Variants in TMEM198 observed in about 807,000 individuals in gnomAD.
TMEM198 encodes the protein transmembrane protein 198.
TMEM198 carries 21 observed loss-of-function variants against 31.5 expected under a neutral mutation model. That is an observed-to-expected ratio of 0.67 (90% CI 0.47 to 0.96). The LOEUF (loss-of-function observed/expected upper bound fraction) is 0.96, where lower values mean the gene tolerates loss of function less well. TMEM198 is among the 40% of genes least tolerant of loss of function. The pLI is 0.00. For missense variants in TMEM198, 447 were observed against 499.4 expected (o/e 0.89, Z 1.00); for synonymous variants, 211 against 223.3 (o/e 0.95, Z 0.49).
intron 2 of TMEM198, 54 bp downstream of exon 2, chr2:219,544,947 T>C: frequency 6.3e-7 from 1 of 1,590,460 alleles, no homozygotes; most frequent in Non-Finnish European, 8.6e-7. Flanking sequence ...CCCCGAGTTC[T>C]TTTTCTGGGC....
Position 219,549,280 on chromosome 2 carries a change from C to A in TMEM198, c.871C>A (p.Pro291Thr). 1 of 1,613,944 alleles carries A rather than the reference C, an allele frequency of 6.2e-7. No homozygotes were observed. Among genetic ancestry groups the A allele is most frequent in the Non-Finnish European group, 8.5e-7 (1 of 1,180,030 alleles). Residue 291 changes from proline (P) to threonine (T), a missense_variant, in exon 4 of 5, where the codon CCT (proline) becomes ACT (threonine). Pro to Thr is a conservative substitution (Grantham distance 38). Transcript: ENST00000373883. Reference sequence around the variant, plus strand: ...CAGAGGTCCCCGGGCTCCTCCCAGGCCTGGGCCACCAGACCCTGCTTATCG... The same window carrying A: ...CAGAGGTCCCCGGGCTCCTCCCAGGACTGGGCCACCAGACCCTGCTTATCG... The part of the protein sequence containing the change: ...PLRGPRAPPR[P>T]GPPDPAYRRR...
upstream of TMEM198, chr2:219,543,770 G>C: frequency 2.1e-6 from 1 of 468,044 alleles, no homozygotes; most frequent in East Asian, 3.5e-5. Context: ...CTCGGCACTG[G>C]AGCCTCAGCC....
chr2:219,543,739 G>A, upstream of TMEM198: 1 of 452,250 alleles, frequency 2.2e-6, no homozygotes, highest in South Asian at 5.2e-5. Context: ...CAGCTGCTCT[G>A]GGCTGCGCAG....
Position 219,547,511 on chromosome 2 carries a change from C to T in TMEM198, c.172C>T (p.Arg58Cys), listed in dbSNP as rs1695414656. ...TAGCCCCTGTTCCCCTCCAGGTTAC[C>T]GCTGCTTCAAGGCAGTGCTCTTTCT... ...FGVVYCFFGYRCFKAVLFLTG... is the reference protein window; with the variant it reads ...FGVVYCFFGYCCFKAVLFLTG... Residue 58 changes from arginine to cysteine, a missense_variant, in exon 3 of 5, where the codon CGC (arginine) becomes TGC (cysteine). Transcript: ENST00000373883. The T allele has an allele frequency of 4.9e-6, 7 of 1,426,642 alleles. No homozygotes were observed. Among genetic ancestry groups the T allele is most frequent in the South Asian group, 3.5e-5 (2 of 56,586 alleles). 88.4% of individuals were successfully genotyped at this position (1,426,642 alleles called of 1,614,324 possible). A position where few individuals can be genotyped will look rare whatever the true frequency, so the allele number is the denominator to read the frequency against.
upstream of TMEM198, chr2:219,543,692 G>A (rs1695327737): frequency 2.0e-6 from 1 of 494,926 alleles, no homozygotes; most frequent in Non-Finnish European, 3.3e-6. Context: ...AGCGGCCCGA[G>A]CCGAATCCCC....
intron 2 of TMEM198, among the ~76,000 whole-genome samples, chr2:219,546,532 G>A (rs754404373): frequency 1.3e-5 from 2 of 151,980 alleles, no homozygotes; most frequent in Non-Finnish European, 2.9e-5. Flanking sequence ...TCCCCATACT[G>A]TGATCCCAGT....
In TMEM198 at chr2:219,549,366, G is replaced by A. The variant is rs753485027; in HGVS notation, c.945+12G>A. The A allele has an allele frequency of 2.1e-5, 34 of 1,605,854 alleles. No individual in the cohort carries two copies. In the East Asian group the frequency reaches 6.9e-4, roughly 33 times the overall value. On this transcript the variant is annotated intron_variant, in intron 4 of 4. Transcript: ENST00000373883. ...ACGTCCTCTCCCCGGTGAGCTCCCT[G>A]AGCCCATCCAGCCAGAATGAGAAGG...
At position 219,549,226 on chromosome 2, in the gene TMEM198, C is replaced by T. The variant is rs745594376; in HGVS notation, c.817C>T (p.Arg273Trp). 1.7e-5 allele frequency: 28 copies of T among 1,614,008 alleles called. No homozygotes were observed. Among genetic ancestry groups the T allele is most frequent in the East Asian group, 8.9e-5 (4 of 44,878 alleles). ...GCAGGAAGATCGCAAGGAGAAAAGG[C>T]GGAAAAAGAGACCTCCTCGGGCTCC... ...RQQEDRKEKR[R>W]KKRPPRAPLR... The change falls in exon 4 of 5, where the codon CGG (arginine) becomes TGG (tryptophan). Residue 273 changes from arginine to tryptophan, a missense_variant. Arg to Trp is a moderately radical substitution (Grantham distance 101, BLOSUM62 -3). Coordinates refer to ENST00000373883, the MANE Select transcript of TMEM198 (RefSeq NM_001005209.3).
intron 3 of TMEM198, 82 bp downstream of exon 3, chr2:219,548,163 G>A (rs1695433002): frequency 7.7e-7 from 1 of 1,296,048 alleles, no homozygotes; most frequent in East Asian, 2.5e-5. Flanking sequence ...GGGGAGTGGG[G>A]GACAGCAGCA....
chr2:219,547,303 C>T (rs975027449), intron 2 of TMEM198: 8 of 458,410 alleles, frequency 1.7e-5, no homozygotes, highest in Non-Finnish European at 3.1e-5. Flanking sequence ...CCATTGACCA[C>T]CAACAGCCAT....
rs1317052087 is a variant in TMEM198, at chr2:219,544,862, C to T, written c.135C>T (p.Cys45=). The T allele has an allele frequency of 6.2e-7, 1 of 1,614,218 alleles. No homozygotes were observed. Among genetic ancestry groups the T allele is most frequent in the Non-Finnish European group, 8.5e-7 (1 of 1,180,020 alleles). ...TGCCGGCCCTCGTCTGCATCATGTG[C>T]TGTTTGTTTGGAGTCGTCTACTGCT... ...QALPALVCIM[C]CLFGVVYCFF... The change falls in exon 2 of 5, where the codon TGC becomes TGT. Residue 45 remains cysteine, a synonymous_variant. Transcript: ENST00000373883.
chr2:219,544,119 C>T lies in TMEM198; in HGVS notation c.-298C>T. 2 of 453,266 alleles carry T rather than the reference C, an allele frequency of 4.4e-6. No individual in the cohort carries two copies. Among genetic ancestry groups the T allele is most frequent in the South Asian group, 1.6e-5 (1 of 64,266 alleles). The allele number at this position is 453,266 out of a possible 1,614,324, so 28.1% of individuals were successfully genotyped here. On this transcript the variant is annotated 5_prime_UTR_variant, in exon 1 of 5. Coordinates refer to ENST00000373883, the MANE Select transcript of TMEM198 (RefSeq NM_001005209.3). The stretch of plus-strand genomic sequence containing the variant: ...CGCGGTTCTGGGGCGGCCCGAGCCC[C>T]GGCTCCTGCGCCTTCCCCTTCCTCA...
At position 219,549,955 on chromosome 2, in the gene TMEM198, C is replaced by T. The variant is rs1695517432; in HGVS notation, c.*101C>T. On this transcript the variant is annotated 3_prime_UTR_variant, in exon 5 of 5. Coordinates refer to ENST00000373883, the MANE Select transcript of TMEM198 (RefSeq NM_001005209.3). ...TCCTGGCTTTGGCTGTCCCTCTCCCCAGCCTGGAGAGGGCTGGCCTGGTCA... is the reference window on the plus strand; with the variant it reads ...TCCTGGCTTTGGCTGTCCCTCTCCCTAGCCTGGAGAGGGCTGGCCTGGTCA... 2.7e-6 allele frequency: 4 copies of T among 1,479,672 alleles called. No homozygotes were observed. Among genetic ancestry groups the T allele is most frequent in the Non-Finnish European group, 2.8e-6 (3 of 1,086,766 alleles). 91.7% of individuals were successfully genotyped at this position (1,479,672 alleles called of 1,614,324 possible). A position where few individuals can be genotyped will look rare whatever the true frequency, so the allele number is the denominator to read the frequency against.
rs760934674 is a variant in TMEM198, at chr2:219,549,180, G to A, written c.771G>A (p.Val257=). The A allele has an allele frequency of 1.9e-6, 3 of 1,613,982 alleles. No homozygotes were observed. The highest frequency in any genetic ancestry group is 1.1e-5 in the South Asian group (1 of 91,084). The stretch of plus-strand genomic sequence containing the variant: ...TCATCAGCCGGCAGCGCCGACGCGT[G>A]CAACTGATGCGGATTCGGCAGCAGG... The part of the protein sequence containing the change: ...EVVISRQRRR[V]QLMRIRQQED... Residue 257 remains valine, a synonymous_variant, in exon 4 of 5, where the codon GTG becomes GTA. Transcript: ENST00000373883.
In TMEM198 at chr2:219,550,119, CTGTGTGTA is replaced by C. The variant is rs1223725174; in HGVS notation, c.*273_*280del. The C allele has an allele frequency of 2.2e-6, 1 of 448,280 alleles. No individual in the cohort carries two copies. 27.8% of individuals were successfully genotyped at this position (448,280 alleles called of 1,614,324 possible). On this transcript the variant is annotated 3_prime_UTR_variant, in exon 5 of 5. Coordinates refer to ENST00000373883, the MANE Select transcript of TMEM198 (RefSeq NM_001005209.3). ...GGTTGTGAGTGTGTTGCCCGTGTGTCTGTGTGTATGTGTGTGGGGGTGGGCAGGCTTGG... is the reference window on the plus strand; with the variant it reads ...GGTTGTGAGTGTGTTGCCCGTGTGTCTGTGTGTGGGGGTGGGCAGGCTTGG...
chr2:219,549,435 G>A (rs563659458), intron 4 of TMEM198, 81 bp downstream of exon 4: 1 of 1,492,804 alleles, frequency 6.7e-7, no homozygotes, highest in African/African-American at 1.4e-5. Flanking sequence ...TTTCCCCACG[G>A]GCTGGTTGCT....
intron 1 of TMEM198, 139 bp from the exon 2 acceptor site, chr2:219,544,550 A>C: frequency 2.4e-5 from 17 of 696,190 alleles, no homozygotes; most frequent in Middle Eastern, 3.3e-4. Flanking sequence ...TCCCCACTCC[A>C]GAGATGCTTC....
chr2:219,544,892 C>T lies in TMEM198; in HGVS notation c.165C>T (p.Phe55=), dbSNP rs200419408. The T allele has an allele frequency of 1.4e-4, 233 of 1,613,608 alleles. 1 individual carries two copies. The East Asian group carries it at 4.3e-3, about 30-fold the overall frequency. ...CCLFGVVYCF[F]GYRCFKAVLF... Reference sequence around the variant, plus strand: ...TGTTTGGAGTCGTCTACTGCTTCTTCGGTGAGATCCCCATCTCATCCCTCA... The same window carrying T: ...TGTTTGGAGTCGTCTACTGCTTCTTTGGTGAGATCCCCATCTCATCCCTCA... Residue 55 remains phenylalanine, a splice_region_variant and synonymous_variant, in exon 2 of 5, where the codon TTC becomes TTT. Coordinates refer to ENST00000373883, the MANE Select transcript of TMEM198 (RefSeq NM_001005209.3).
Position 219,549,994 on chromosome 2 carries a change from T to C in TMEM198, c.*140T>C, listed in dbSNP as rs1419942099. 2 of 1,187,506 alleles carry C rather than the reference T, an allele frequency of 1.7e-6. No homozygotes were observed. The highest frequency in any genetic ancestry group is 1.5e-5 in the South Asian group (1 of 65,114). 73.6% of individuals were successfully genotyped at this position (1,187,506 alleles called of 1,614,324 possible). On this transcript the variant is annotated 3_prime_UTR_variant, in exon 5 of 5. Coordinates refer to ENST00000373883, the MANE Select transcript of TMEM198 (RefSeq NM_001005209.3). ...CTGGCCTGGTCACTAGAAGGGAGGATTGTCTCAGGCGAGTCTTGGCCTGAG... is the reference window on the plus strand; with the variant it reads ...CTGGCCTGGTCACTAGAAGGGAGGACTGTCTCAGGCGAGTCTTGGCCTGAG...
Sources: gnomAD v4.1 joint callset for allele counts (sites outside exome capture counted in the v4.1 genomes callset) on GRCh38, gnomAD v4.1.1 for gene constraint, MANE v1.5 for transcripts, NCBI Gene and HGNC (gene_info 2026-07-23, HGNC 2026-07-21) for gene names.